The following MTRR variants were observed in gnomAD, a reference collection of about 807,000 sequenced individuals.
MTRR encodes the protein 5-methyltetrahydrofolate-homocysteine methyltransferase reductase.
A neutral mutation model predicts 79.2 loss-of-function variants in MTRR; 63 were observed. That is an observed-to-expected ratio of 0.80 (90% CI 0.65 to 0.98). The LOEUF is 0.98. Among genes scored for constraint, MTRR ranks in the 50% least tolerant of loss-of-function variants. The pLI is 0.00. For synonymous variants in MTRR, 355 were observed against 313.3 expected, an observed-to-expected ratio of 1.13 and a Z score of -1.41; for missense variants, 895 against 839.6, an observed-to-expected ratio of 1.07 and a Z score of -0.82.
rs1254913477 is a variant in MTRR, at chr5:7,883,153, A to T, written c.781-2A>T. 1.9e-6 allele frequency: 3 copies of T among 1,614,188 alleles called. No homozygotes were observed. In the South Asian group the frequency reaches 3.3e-5, roughly 18 times the overall value. On this transcript the variant is annotated splice_acceptor_variant, in intron 5 of 14. Coordinates refer to ENST00000440940, the MANE Select transcript of MTRR (RefSeq NM_002454.3). LOFTEE classifies it high-confidence loss of function. ...TACGTTTTGTCACATTTGTTTTTCA[A>T]GGAGGAAAGCCAAGTATCTGTGACT...
intron 1 of MTRR, among the ~76,000 whole-genome samples, chr5:7,853,633 T>G (rs1200733208): frequency 6.6e-6 from 1 of 152,126 alleles, no homozygotes; most frequent in Non-Finnish European, 1.5e-5. Context: ...AGGCAACTGG[T>G]GAATGGTCAT....
chr5:7,889,205 T>C lies in MTRR; in HGVS notation c.1257T>C (p.Asp419=), dbSNP rs1292824472. 14 of 1,613,738 alleles carry C rather than the reference T, an allele frequency of 8.7e-6. No individual in the cohort carries two copies. The highest frequency in any genetic ancestry group is 1.2e-5 in the Non-Finnish European group (14 of 1,180,044). ...GAADYSRFVR[D]ACACLLDLLL... ...CCGATTATAGCCGCTTTGTACGAGA[T>C]GCCTGTGCCTGCTTGTTGGATCTCC... The change falls in exon 9 of 15, where the codon GAT becomes GAC. Residue 419 remains aspartate (D), a synonymous_variant. Coordinates refer to ENST00000440940, the MANE Select transcript of MTRR (RefSeq NM_002454.3).
chr5:7,869,034 G>C (rs780582672), upstream of MTRR: 12 of 1,410,990 alleles, frequency 8.5e-6, no homozygotes, highest in East Asian at 2.7e-4. Context: ...GGCGTCGTGG[G>C]CCTCCGTAGC....
At chr5:7,871,061 A>G in intron 2 of MTRR, 138 bp downstream of exon 2, 11 of 1,005,662 alleles carry the variant, frequency 1.1e-5, no homozygotes, top group Non-Finnish European at 1.4e-5. Context: ...GTTCAATGGT[A>G]TAGTAAGATA....
At chr5:7,869,127 A>G (rs1212240843), upstream of MTRR, 1 of 1,613,508 alleles carries the variant, frequency 6.2e-7, no homozygotes. Flanking sequence ...GGTCCTGGGT[A>G]CCGAGCATGG....
chr5:7,895,980 A>G, intron 12 of MTRR, 128 bp downstream of exon 12: 2 of 1,208,586 alleles, frequency 1.7e-6, no homozygotes, highest in Non-Finnish European at 2.3e-6. Flanking sequence ...ATGTGCGATA[A>G]CATAATTTGT....
chr5:7,883,389 T>C (rs1206401358), intron 6 of MTRR, 112 bp downstream of exon 6: 3 of 1,401,858 alleles, frequency 2.1e-6, no homozygotes, highest in Non-Finnish European at 3.0e-6. Flanking sequence ...TTACATATGC[T>C]GAGTTGTGTG....
At chr5:7,853,793 C>T (rs1746144694) in intron 1 of MTRR, among the ~76,000 whole-genome samples, 1 of 152,196 alleles carries the variant, frequency 6.6e-6, no homozygotes, top group African/African-American at 2.4e-5. Context: ...TGCCCCAGGG[C>T]CTCACAGTCT....
At chr5:7,876,063 A>G (rs546709001) in intron 4 of MTRR, among the ~76,000 whole-genome samples, 11 of 152,182 alleles carry the variant, frequency 7.2e-5, no homozygotes, top group African/African-American at 2.4e-4. Flanking sequence ...ATTTTTTTCT[A>G]GTAGGTCCAT....
At chr5:7,856,101 G>C (rs1180497582) in intron 1 of MTRR, among the ~76,000 whole-genome samples, 1 of 152,146 alleles carries the variant, frequency 6.6e-6, no homozygotes, top group Admixed American at 6.5e-5. Flanking sequence ...GTGCCAAAGA[G>C]TTAACAGTAA....
At chr5:7,871,041 A>C (rs1241989493) in intron 2 of MTRR, 118 bp downstream of exon 2, 46 of 1,234,728 alleles carry the variant, frequency 3.7e-5, no homozygotes, top group Non-Finnish European at 3.3e-5. Flanking sequence ...TTTTTAACAG[A>C]AATGTGTTTG....
At chr5:7,877,921 T>G (rs760077349) in intron 4 of MTRR, 23 bp from the exon 5 acceptor site, 5 of 1,609,732 alleles carry the variant, frequency 3.1e-6, no homozygotes, top group Non-Finnish European at 4.2e-6. Flanking sequence ...TTGTTTTGTT[T>G]TTCGTTTGTT....
rs1411837680 is a variant in MTRR, at chr5:7,878,026, G to A, written c.484G>A (p.Glu162Lys). The change falls in exon 5 of 15, where the codon GAG (glutamate) becomes AAG (lysine). Residue 162 changes from glutamate (E) to lysine (K), a missense_variant. Glu to Lys is a moderately conservative substitution (Grantham distance 56). Transcript: ENST00000440940. The part of the protein sequence containing the change: ...KHFRSSRGQE[E>K]ISGALPVASP... ...TTTTAGGTCAAGCAGAGGACAAGAG[G>A]AGATAAGTGGCGCACTCCCGGTGGC... 2 of 1,613,800 alleles carry A rather than the reference G, an allele frequency of 1.2e-6. No individual in the cohort carries two copies. The highest frequency in any genetic ancestry group is 1.1e-5 in the South Asian group (1 of 91,056).
At position 7,886,596 on chromosome 5, in the gene MTRR, C is replaced by T; in HGVS notation, c.1058-19C>T. 8.3e-6 allele frequency: 13 copies of T among 1,571,048 alleles called. No individual in the cohort carries two copies. Among genetic ancestry groups the T allele is most frequent in the Non-Finnish European group, 1.1e-5 (13 of 1,140,974 alleles). ...CATCTTCTATGTCATGAACCCCTTTCCCGTCTTTACCTGAAAAGGAGCTAC... is the reference window on the plus strand; with the variant it reads ...CATCTTCTATGTCATGAACCCCTTTTCCGTCTTTACCTGAAAAGGAGCTAC... On this transcript the variant is annotated intron_variant, in intron 7 of 14. Coordinates refer to ENST00000440940, the MANE Select transcript of MTRR (RefSeq NM_002454.3).
At chr5:7,879,558 T>C (rs1286206998) in intron 5 of MTRR, among the ~76,000 whole-genome samples, 1 of 152,054 alleles carries the variant, frequency 6.6e-6, no homozygotes, top group Admixed American at 6.5e-5. Context: ...TTAAAAGATT[T>C]AACAAATCTG....
chr5:7,876,361 T>C (rs1268557703), intron 4 of MTRR, among the ~76,000 whole-genome samples: 1 of 152,226 alleles, frequency 6.6e-6, no homozygotes, highest in Non-Finnish European at 1.5e-5. Context: ...TCATTGACAT[T>C]AAATGCTCAG....
intron 9 of MTRR, among the ~76,000 whole-genome samples, chr5:7,889,515 TTC>T (rs1737197035): frequency 6.6e-6 from 1 of 152,170 alleles, no homozygotes; most frequent in African/African-American, 2.4e-5. Context: ...ACTTTTGGTT[TTC>T]TTTTTTTTCC....
Position 7,891,421 on chromosome 5 carries a change from CTATT to C in MTRR, c.1370+12_1370+15del. The C allele has an allele frequency of 6.3e-7, 1 of 1,592,196 alleles. No homozygotes were observed. The highest frequency in any genetic ancestry group is 8.6e-7 in the Non-Finnish European group (1 of 1,164,990). On this transcript the variant is annotated splice_region_variant and intron_variant, in intron 10 of 14. Coordinates refer to ENST00000440940, the MANE Select transcript of MTRR (RefSeq NM_002454.3). ...GACCATATTCGTGTGCAAGGTACTA[CTATT>C]TATTCACGTAATATATAGCATTGTT...
chr5:7,866,590 C>T (rs566633927), upstream of MTRR: 62 of 1,316,880 alleles, frequency 4.7e-5, no homozygotes, highest in Admixed American at 1.3e-4. Flanking sequence ...GACTTGAAAC[C>T]ACTGCCAGTT....
Sources: gnomAD v4.1 joint callset for allele counts (sites outside exome capture counted in the v4.1 genomes callset) on GRCh38, gnomAD v4.1.1 for gene constraint, MANE v1.5 for transcripts, NCBI Gene and HGNC (gene_info 2026-07-23, HGNC 2026-07-21) for gene names.